CDH18: variants seen among roughly 807,000 people sequenced by gnomAD.
CDH18 encodes cadherin 18.
A neutral mutation model predicts 67.9 loss-of-function variants in CDH18; 31 were observed. That is an observed-to-expected ratio of 0.46 (90% CI 0.34 to 0.62). CDH18 has a LOEUF of 0.62. Among genes scored for constraint, CDH18 ranks in the 20% least tolerant of loss-of-function variants. The probability of loss-of-function intolerance (pLI) is 0.01; values close to 1 mark genes in which losing one functional copy is unlikely to be tolerated. For missense variants in CDH18, 890 were observed against 975.5 expected, an observed-to-expected ratio of 0.91 and a Z score of 1.17; for synonymous variants, 362 against 347.2, an observed-to-expected ratio of 1.04 and a Z score of -0.48.
rs758902138 is a variant in CDH18 at position 19,838,918 on chromosome 5, A to G, written c.69T>C (p.Tyr23=). 3 of 1,614,022 alleles carry G rather than the reference A, an allele frequency of 1.9e-6. No homozygotes were observed. In the African/African-American group the frequency reaches 4.0e-5, roughly 22 times the overall value. ...LVCLCFVQRC[Y]GTAHHSSIKV... Reference sequence around the variant, plus strand: ...TGATGGAGCTGTGGTGAGCAGTTCCATAACACCTCTGCACAAAACAGAGAC... The same window carrying G: ...TGATGGAGCTGTGGTGAGCAGTTCCGTAACACCTCTGCACAAAACAGAGAC... Residue 23 remains tyrosine (Y), a synonymous_variant, in exon 3 of 13, where the codon TAT becomes TAC. Transcript: ENST00000382275.
At chr5:19,761,422 T>C (rs1023075414) in intron 3 of CDH18, among the ~76,000 whole-genome samples, 1 of 152,144 alleles carries the variant, frequency 6.6e-6, no homozygotes, top group African/African-American at 2.4e-5. Flanking sequence ...GAGCAGTAAA[T>C]CAGGCGTTTC....
intron 5 of CDH18, among the ~76,000 whole-genome samples, chr5:19,702,115 C>T (rs1044183483): frequency 6.7e-6 from 1 of 150,178 alleles, no homozygotes; most frequent in African/African-American, 2.4e-5. Context: ...CCCCGCTACA[C>T]TCTTCTGCAG....
chr5:20,188,653 G>C (rs957200214), intron 2 of CDH18, among the ~76,000 whole-genome samples: 1 of 151,894 alleles, frequency 6.6e-6, no homozygotes, highest in African/African-American at 2.4e-5. Flanking sequence ...ATGGTAAATA[G>C]TGGGACTGAC....
At chr5:20,284,852 T>C (rs928620548) in intron 1 of CDH18, among the ~76,000 whole-genome samples, 2 of 151,910 alleles carry the variant, frequency 1.3e-5, no homozygotes, top group Non-Finnish European at 2.9e-5. Context: ...GTATTTAGGA[T>C]CTGTTTCATA....
intron 2 of CDH18, among the ~76,000 whole-genome samples, chr5:20,057,975 A>C (rs543677585): frequency 6.6e-6 from 1 of 152,270 alleles, no homozygotes; most frequent in East Asian, 1.9e-4. Context: ...TCAAAAAAGA[A>C]AGCCGTCATT....
At chr5:20,431,043 T>G (rs1428061834) in intron 1 of CDH18, among the ~76,000 whole-genome samples, 1 of 152,214 alleles carries the variant, frequency 6.6e-6, no homozygotes, top group African/African-American at 2.4e-5. Flanking sequence ...TTTCTATATA[T>G]GCTATGCATT....
chr5:19,500,961 T>C (rs1260873437), intron 11 of CDH18, among the ~76,000 whole-genome samples: 1 of 151,426 alleles, frequency 6.6e-6, no homozygotes, highest in Non-Finnish European at 1.5e-5. Flanking sequence ...TGAAACCCTG[T>C]CTCTACTAAA....
chr5:20,415,166 C>T lies in CDH18; in HGVS notation c.-579-159661G>A, dbSNP rs187844542. ...TTTGGGAGGCTGAGGCGGGTGGATTCCCTGAGCTCAGGAGTTTGAGGCCAG... is the reference window on the plus strand; with the variant it reads ...TTTGGGAGGCTGAGGCGGGTGGATTTCCTGAGCTCAGGAGTTTGAGGCCAG... On this transcript the variant is annotated intron_variant, in intron 1 of 14. Coordinates refer to the CDH18 transcript ENST00000507958. Among the ~76,000 whole-genome samples the T allele has an allele frequency of 7.0e-3, 1,055 of 151,116 alleles. 6 individuals are homozygous for T. The highest frequency in any genetic ancestry group is 0.011 in the Non-Finnish European group (767 of 67,686).
At chr5:20,163,860 T>C (rs1736078741) in intron 2 of CDH18, among the ~76,000 whole-genome samples, 2 of 152,384 alleles carry the variant, frequency 1.3e-5, no homozygotes, top group South Asian at 4.1e-4. Flanking sequence ...GCTGATCTTT[T>C]GTGAAAATCA....
chr5:20,266,240 T>C (rs1350996999), intron 1 of CDH18, among the ~76,000 whole-genome samples: 1 of 136,026 alleles, frequency 7.4e-6, no homozygotes, highest in African/African-American at 2.8e-5. Flanking sequence ...AGCTTATTGG[T>C]TCTATTTCTT....
intron 1 of CDH18, chr5:20,304,589 C>G (rs1156301010): frequency 8.7e-6 from 14 of 1,611,930 alleles, no homozygotes; most frequent in Non-Finnish European, 1.0e-5. Flanking sequence ...GTCAGGGGGA[C>G]AGAGCTTAAT....
At chr5:20,225,286 A>G (rs1741527162) in intron 2 of CDH18, among the ~76,000 whole-genome samples, 1 of 152,156 alleles carries the variant, frequency 6.6e-6, no homozygotes, top group South Asian at 2.1e-4. Flanking sequence ...GAAGGAGAAC[A>G]ATATTGACTT....
At chr5:19,901,036 C>G (rs1296951742) in intron 2 of CDH18, among the ~76,000 whole-genome samples, 1 of 152,090 alleles carries the variant, frequency 6.6e-6, no homozygotes, top group East Asian at 1.9e-4. Context: ...TGAGATTTAA[C>G]TTACTCCTTT....
At chr5:20,339,187 C>T (rs779181786) in intron 1 of CDH18, among the ~76,000 whole-genome samples, 1 of 152,112 alleles carries the variant, frequency 6.6e-6, no homozygotes, top group Non-Finnish European at 1.5e-5. Context: ...CCTCAAGTGC[C>T]TCCTGAAACA....
chr5:19,480,652 T>A (rs1579692039), intron 12 of CDH18, among the ~76,000 whole-genome samples: 1 of 152,136 alleles, frequency 6.6e-6, no homozygotes, highest in South Asian at 2.1e-4. Flanking sequence ...GCTGGGATTA[T>A]GGCATGAGCC....
intron 3 of CDH18, among the ~76,000 whole-genome samples, chr5:19,820,994 C>T (rs566427884): frequency 6.6e-6 from 1 of 152,282 alleles, no homozygotes; most frequent in South Asian, 2.1e-4. Flanking sequence ...TGAAACGTTA[C>T]TCATCTCAGA....
intron 2 of CDH18, among the ~76,000 whole-genome samples, chr5:20,069,761 C>T (rs907627463): frequency 2.1e-4 from 32 of 152,208 alleles, no homozygotes; most frequent in African/African-American, 5.8e-4. Context: ...TTTAGGTTCA[C>T]GGCAAAATTC....
At chr5:20,481,953 CA>C (rs1267650816) in intron 1 of CDH18, among the ~76,000 whole-genome samples, 1 of 150,998 alleles carries the variant, frequency 6.6e-6, no homozygotes, top group Non-Finnish European at 1.5e-5. Context: ...TAATAAATAT[CA>C]GAGAAGAAAT....
chr5:20,076,660 G>A lies in CDH18; in HGVS notation c.-517-84646C>T, dbSNP rs142145169. 2.1e-4 allele frequency among the ~76,000 whole-genome samples: 32 copies of A among 151,938 alleles called. No individual in the cohort carries two copies. The East Asian group carries it at 2.9e-3, about 14-fold the overall frequency. ...ACATATGTTGGGTTTTCTCAACTAC[G>A]GGCATGAGTATTTGATATCCCAACA... On this transcript the variant is annotated intron_variant, in intron 2 of 14. Coordinates refer to the CDH18 transcript ENST00000507958.
Sources: allele counts gnomAD v4.1 joint callset (sites outside exome capture counted in the v4.1 genomes callset), GRCh38; gene constraint gnomAD v4.1.1; transcripts MANE v1.5; gene names NCBI Gene and HGNC (gene_info 2026-07-23, HGNC 2026-07-21).